KPNA1: variants seen among roughly 807,000 people sequenced by gnomAD.
KPNA1 encodes the protein importin subunit alpha-5.
A neutral mutation model predicts 70.5 loss-of-function variants in KPNA1; 10 were observed. The ratio of observed to expected loss-of-function variants is 0.14; its 90% confidence interval spans 0.09 to 0.24. The LOEUF (loss-of-function observed/expected upper bound fraction) is 0.24. Ranked by LOEUF, KPNA1 falls within the 10% of genes least tolerant of loss-of-function variation. The pLI, the probability that KPNA1 is intolerant of heterozygous loss-of-function variation, is 1.00. For synonymous variants in KPNA1, 192 were observed against 221.9 expected, an observed-to-expected ratio of 0.87 and a Z score of 1.20; for missense variants, 397 against 637.9, an observed-to-expected ratio of 0.62 and a Z score of 4.07.
rs368510996 is a variant in KPNA1, at chr3:122,461,230, T to C, written c.426A>G (p.Thr142=). 38 of 1,603,944 alleles carry C rather than the reference T, an allele frequency of 2.4e-5. No homozygotes were observed. The highest frequency in any genetic ancestry group is 3.3e-4 in the Middle Eastern group (2 of 6,020). ...AAATAAAAATTATTCGCACCTGCAGTGTACAATTCTCTTTTCGTTTGAGGA... is the reference window on the plus strand; with the variant it reads ...AAATAAAAATTATTCGCACCTGCAGCGTACAATTCTCTTTTCGTTTGAGGA... The part of the protein sequence containing the change: ...VEFLKRKENC[T]LQFESAWVLT... The change falls in exon 5 of 14, where the codon ACA becomes ACG. Residue 142 remains threonine, a synonymous_variant. Transcript: ENST00000344337.
chr3:122,433,897 G>A, intron 11 of KPNA1, 109 bp from the exon 12 acceptor site: 1 of 803,078 alleles, frequency 1.2e-6, no homozygotes, highest in Non-Finnish European at 1.9e-6. Context: ...CCCTTCTCCT[G>A]TCAGAAATAA....
At chr3:122,505,709 A>G (rs1314239473) in intron 1 of KPNA1, among the ~76,000 whole-genome samples, 1 of 152,244 alleles carries the variant, frequency 6.6e-6, no homozygotes, top group African/African-American at 2.4e-5. Context: ...CACTCTTTCA[A>G]AGACAGATCC....
chr3:122,500,210 C>T (rs1053364355), intron 1 of KPNA1, among the ~76,000 whole-genome samples: 5 of 151,826 alleles, frequency 3.3e-5, no homozygotes, highest in Non-Finnish European at 7.4e-5. Flanking sequence ...CAACTTCTGT[C>T]TCTCAGGTTC....
chr3:122,504,180 C>A (rs2076862108), intron 1 of KPNA1, among the ~76,000 whole-genome samples: 1 of 152,172 alleles, frequency 6.6e-6, no homozygotes, highest in Admixed American at 6.5e-5. Flanking sequence ...ACACCATCAA[C>A]TGGGTGTCTT....
Position 122,426,849 on chromosome 3 carries a change from G to C in KPNA1, c.*136C>G. ...CAGATGTGTGTAAGAGAGCAGGTGC[G>C]CAAGGCAAGCAAATGAGCGCAAACA... is the stretch of plus-strand genomic sequence containing the variant. On this transcript the variant is annotated 3_prime_UTR_variant, in exon 14 of 14. Coordinates refer to ENST00000344337, the MANE Select transcript of KPNA1 (RefSeq NM_002264.4). The C allele has an allele frequency of 1.6e-6, 1 of 643,968 alleles. No homozygotes were observed. Among genetic ancestry groups the C allele is most frequent in the East Asian group, 2.8e-5 (1 of 35,978 alleles). 39.9% of individuals were successfully genotyped at this position (643,968 alleles called of 1,614,324 possible).
intron 12 of KPNA1, among the ~76,000 whole-genome samples, chr3:122,429,494 A>G (rs1340424112): frequency 1.3e-5 from 2 of 151,744 alleles, no homozygotes; most frequent in Non-Finnish European, 2.9e-5. Flanking sequence ...TCAGCATCAA[A>G]AAAGTGTAAA....
chr3:122,432,104 G>T (rs752844901), intron 12 of KPNA1, among the ~76,000 whole-genome samples: 4 of 152,066 alleles, frequency 2.6e-5, no homozygotes, highest in Non-Finnish European at 5.9e-5. Flanking sequence ...ACCCGGCCTG[G>T]CTTATTTCAA....
intron 2 of KPNA1, among the ~76,000 whole-genome samples, chr3:122,472,981 T>A (rs2076459335): frequency 6.6e-6 from 1 of 152,042 alleles, no homozygotes; most frequent in Non-Finnish European, 1.5e-5. Context: ...CTCAGGAGGC[T>A]GAGGCACCAG....
Position 122,437,195 on chromosome 3 carries a change from G to A in KPNA1, c.1097C>T (p.Thr366Ile). Residue 366 changes from threonine (T) to isoleucine (I), a missense_variant, in exon 11 of 14, where the codon ACA (threonine) becomes ATA (isoleucine). Transcript: ENST00000344337. ...KEACWTISNI[T>I]AGNRAQIQTV... ...CTGGATCTGTGCCCTATTTCCAGCTGTAATATTAGATATCGTCCAACATGC... is the reference window on the plus strand; with the variant it reads ...CTGGATCTGTGCCCTATTTCCAGCTATAATATTAGATATCGTCCAACATGC... 6.2e-7 allele frequency: 1 copy of A among 1,613,892 alleles called. No homozygotes were observed. Among genetic ancestry groups the A allele is most frequent in the Non-Finnish European group, 8.5e-7 (1 of 1,179,822 alleles).
intron 2 of KPNA1, among the ~76,000 whole-genome samples, chr3:122,480,477 T>A (rs550622113): frequency 1.3e-5 from 2 of 151,392 alleles, no homozygotes; most frequent in African/African-American, 4.8e-5. Flanking sequence ...ATAAAAATAG[T>A]GAAATAAACT....
At chr3:122,511,675 G>A (rs1429154659) in intron 1 of KPNA1, among the ~76,000 whole-genome samples, 3 of 152,208 alleles carry the variant, frequency 2.0e-5, no homozygotes, top group Admixed American at 1.3e-4. Context: ...TAATTTAACT[G>A]TTTACCATTT....
intron 5 of KPNA1, among the ~76,000 whole-genome samples, chr3:122,457,436 A>G (rs943753242): frequency 2.6e-5 from 4 of 152,358 alleles, no homozygotes; most frequent in African/African-American, 4.8e-5. Context: ...GAAGTAACAA[A>G]TGGTGGCCAA....
chr3:122,474,088 A>T (rs2076472154), intron 2 of KPNA1, among the ~76,000 whole-genome samples: 1 of 152,208 alleles, frequency 6.6e-6, no homozygotes, highest in Non-Finnish European at 1.5e-5. Context: ...GAAATTAAAA[A>T]GTGTCATTTA....
chr3:122,436,554 G>A (rs568426687), intron 11 of KPNA1, among the ~76,000 whole-genome samples: 1 of 152,134 alleles, frequency 6.6e-6, no homozygotes, highest in Admixed American at 6.5e-5. Context: ...CGACACTTAG[G>A]GAAAACAGAA....
chr3:122,467,237 C>A, intron 3 of KPNA1, 85 bp downstream of exon 3: 1 of 612,510 alleles, frequency 1.6e-6, no homozygotes, highest in Non-Finnish European at 2.8e-6. Flanking sequence ...CTTTTTGTAG[C>A]CATCTAACCT....
chr3:122,446,856 G>A (rs1034355742), intron 9 of KPNA1, among the ~76,000 whole-genome samples: 4 of 152,184 alleles, frequency 2.6e-5, no homozygotes, highest in Admixed American at 1.3e-4. Context: ...CGATCCCACA[G>A]AAATACAAAC....
At position 122,438,353 on chromosome 3, in the gene KPNA1, T is replaced by C. The variant is rs552066872; in HGVS notation, c.997-1058A>G. Among the ~76,000 whole-genome samples, 4 of 152,210 alleles carry C rather than the reference T, an allele frequency of 2.6e-5. No individual in the cohort carries two copies. In the South Asian group the frequency reaches 6.2e-4, roughly 24 times the overall value. ...AAACATGAGCCAATTAAACCTCTTT[T>C]CTTTATAAACTACTCAGTCTTCGGT... is the stretch of plus-strand genomic sequence containing the variant. On this transcript the variant is annotated intron_variant, in intron 10 of 13. Coordinates refer to ENST00000344337, the MANE Select transcript of KPNA1 (RefSeq NM_002264.4).
Position 122,451,995 on chromosome 3 carries a change from T to C in KPNA1, c.634A>G (p.Ile212Val). Residue 212 changes from isoleucine (I) to valine (V), a missense_variant, in exon 7 of 14, where the codon ATC (isoleucine) becomes GTC (valine). By Grantham distance (29) the Ile-to-Val change is conservative. Transcript: ENST00000344337. ...MCRDYVLDCN[I>V]LPPLLQLFSK... ...ACTTACTGCAAAAGAGGGGGAAGGA[T>C]ATTGCAGTCTAAGACATAGTCCCTG... is the stretch of plus-strand genomic sequence containing the variant. The C allele has an allele frequency of 6.3e-7, 1 of 1,586,982 alleles. No homozygotes were observed. The highest frequency in any genetic ancestry group is 8.6e-7 in the Non-Finnish European group (1 of 1,160,286).
intron 12 of KPNA1, 102 bp downstream of exon 12, chr3:122,433,559 C>T: frequency 1.1e-6 from 1 of 918,784 alleles, no homozygotes; most frequent in South Asian, 2.4e-5. Context: ...CCCTCAAAGG[C>T]AGCTAATCTT....
Sources: gnomAD v4.1 joint callset for allele counts (sites outside exome capture counted in the v4.1 genomes callset) on GRCh38, gnomAD v4.1.1 for gene constraint, MANE v1.5 for transcripts, NCBI Gene and HGNC (gene_info 2026-07-23, HGNC 2026-07-21) for gene names.